Variants in RSRC1 observed in about 807,000 individuals in gnomAD.
RSRC1 encodes arginine and serine rich coiled-coil 1.
In RSRC1, 39 loss-of-function variants were observed where a neutral mutation model predicts 49.1. The observed-to-expected ratio is 0.79, with a 90% CI of 0.61 to 1.04. RSRC1 has a LOEUF of 1.04. Among genes scored for constraint, RSRC1 ranks in the 50% least tolerant of loss-of-function variants. The pLI is 0.00. For missense variants in RSRC1, 388 were observed against 402.4 expected (o/e 0.96, Z 0.31); for synonymous variants, 143 against 130.8 (o/e 1.09, Z -0.63).
At chr3:158,533,988 G>A (rs1712573265) in intron 7 of RSRC1, among the ~76,000 whole-genome samples, 1 of 151,566 alleles carries the variant, frequency 6.6e-6, no homozygotes, top group Admixed American at 6.6e-5. Flanking sequence ...ATTGTATAAA[G>A]CATGTGGGAC....
intron 3 of RSRC1, 104 bp from the exon 4 acceptor site, chr3:158,202,968 A>G (rs1721145027): frequency 1.2e-6 from 1 of 831,262 alleles, no homozygotes; most frequent in South Asian, 2.1e-5. Flanking sequence ...TTCTGAGTCC[A>G]CAACTAAAAC....
chr3:158,381,300 C>T (rs1295407067), intron 6 of RSRC1, among the ~76,000 whole-genome samples: 1 of 152,122 alleles, frequency 6.6e-6, no homozygotes, highest in East Asian at 1.9e-4. Flanking sequence ...TCTTAGCCAC[C>T]TCCTGTTGCT....
At chr3:158,417,762 ATATCCTATATATTATTT>A (rs1462339879) in intron 6 of RSRC1, among the ~76,000 whole-genome samples, 1 of 150,632 alleles carries the variant, frequency 6.6e-6, no homozygotes, top group Non-Finnish European at 1.5e-5. Flanking sequence ...TTATTAATAT[ATATCCTATATATTATTT>A]TATCCTATAT....
intron 5 of RSRC1, among the ~76,000 whole-genome samples, chr3:158,340,405 A>T (rs1037396600): frequency 1.3e-5 from 2 of 151,978 alleles, no homozygotes; most frequent in African/African-American, 4.8e-5. Context: ...GCTGGGCATG[A>T]TGGCATGCAC....
chr3:158,342,101 C>A (rs374001122), intron 5 of RSRC1, among the ~76,000 whole-genome samples: 3 of 152,106 alleles, frequency 2.0e-5, no homozygotes, highest in African/African-American at 7.2e-5. Flanking sequence ...GGCTTATAGG[C>A]GGAAGGAATT....
intron 4 of RSRC1, among the ~76,000 whole-genome samples, chr3:158,292,961 C>G (rs1471934527): frequency 6.6e-6 from 1 of 152,204 alleles, no homozygotes; most frequent in African/African-American, 2.4e-5. Context: ...AGGCACTCTG[C>G]TTCTAAAACG....
chr3:158,341,770 C>T (rs13317509), intron 5 of RSRC1, among the ~76,000 whole-genome samples: 11,020 of 152,112 alleles, frequency 0.072, 1,377 homozygotes, highest in African/African-American at 0.25. Context: ...GAACCGTGTG[C>T]CTGGAAAAGC....
At chr3:158,290,582 G>C (rs779066410) in intron 4 of RSRC1, among the ~76,000 whole-genome samples, 1 of 152,102 alleles carries the variant, frequency 6.6e-6, no homozygotes, top group Non-Finnish European at 1.5e-5. Context: ...GCAGAACTCA[G>C]CTTTTTCTTA....
At chr3:158,225,907 A>T (rs1401831655) in intron 4 of RSRC1, among the ~76,000 whole-genome samples, 1 of 152,006 alleles carries the variant, frequency 6.6e-6, no homozygotes, top group Non-Finnish European at 1.5e-5. Context: ...ATATTAAGTA[A>T]TAGAAATTAG....
intron 5 of RSRC1, among the ~76,000 whole-genome samples, chr3:158,317,643 C>G (rs1728534614): frequency 6.6e-6 from 1 of 152,130 alleles, no homozygotes; most frequent in Non-Finnish European, 1.5e-5. Context: ...ACTGCAACCT[C>G]CAGCCCCTGG....
intron 4 of RSRC1, among the ~76,000 whole-genome samples, chr3:158,243,180 G>A (rs1012938809): frequency 5.3e-5 from 8 of 151,900 alleles, no homozygotes; most frequent in Non-Finnish European, 1.0e-4. Flanking sequence ...TTATAGTTTC[G>A]GGTTTTACAT....
chr3:158,225,777 G>T, intron 4 of RSRC1: 1 of 413,314 alleles, frequency 2.4e-6, no homozygotes, highest in Non-Finnish European at 4.7e-6. Flanking sequence ...TTTACATTCA[G>T]TAGAACATTA....
intron 6 of RSRC1, among the ~76,000 whole-genome samples, chr3:158,394,527 A>C (rs1312334059): frequency 6.6e-6 from 1 of 152,110 alleles, no homozygotes; most frequent in African/African-American, 2.4e-5. Context: ...AAAAATCAGC[A>C]TTTCTATACA....
intron 3 of RSRC1, among the ~76,000 whole-genome samples, chr3:158,202,417 G>T (rs370996707): frequency 6.6e-6 from 1 of 151,366 alleles, no homozygotes; most frequent in Non-Finnish European, 1.5e-5. Context: ...AGAGGCAGAG[G>T]TGGGGTTTGC....
chr3:158,530,586 A>G (rs1238498528), intron 7 of RSRC1, among the ~76,000 whole-genome samples: 1 of 151,764 alleles, frequency 6.6e-6, no homozygotes, highest in Non-Finnish European at 1.5e-5. Flanking sequence ...GAATGTGCTC[A>G]CTTATTTGAA....
At chr3:158,490,721 A>G (rs980562095) in intron 7 of RSRC1, among the ~76,000 whole-genome samples, 16 of 152,320 alleles carry the variant, frequency 1.1e-4, no homozygotes, top group African/African-American at 3.4e-4. Flanking sequence ...ATAGATCTGT[A>G]GGTGAATGGA....
intron 4 of RSRC1, among the ~76,000 whole-genome samples, chr3:158,253,339 T>C (rs1724336563): frequency 6.6e-6 from 1 of 152,172 alleles, no homozygotes; most frequent in African/African-American, 2.4e-5. Flanking sequence ...CACTCATCAT[T>C]CAGAAGCATA....
chr3:158,398,410 A>T (rs1733720713), intron 6 of RSRC1, among the ~76,000 whole-genome samples: 1 of 152,036 alleles, frequency 6.6e-6, no homozygotes, highest in Admixed American at 6.6e-5. Flanking sequence ...CCAAGATGGC[A>T]CCTTGAACTT....
intron 4 of RSRC1, among the ~76,000 whole-genome samples, chr3:158,278,100 T>G (rs1725919626): frequency 6.6e-6 from 1 of 152,222 alleles, no homozygotes; most frequent in Non-Finnish European, 1.5e-5. Flanking sequence ...GCCATCAAAC[T>G]GCTGCCATGT....
Sources: allele counts gnomAD v4.1 joint callset (sites outside exome capture counted in the v4.1 genomes callset), GRCh38; gene constraint gnomAD v4.1.1; transcripts MANE v1.5; gene names NCBI Gene and HGNC (gene_info 2026-07-23, HGNC 2026-07-21).